SLC35F3: variants seen among roughly 807,000 people sequenced by gnomAD.
SLC35F3 encodes putative thiamine transporter SLC35F3.
Under a neutral mutation model 49.9 loss-of-function variants are expected in SLC35F3, and 25 were observed. The observed-to-expected ratio is 0.50, with a 90% CI of 0.37 to 0.70. The LOEUF (loss-of-function observed/expected upper bound fraction) is 0.70. SLC35F3 is among the 30% of genes least tolerant of loss of function. The pLI is 0.00. For synonymous variants in SLC35F3, 275 were observed against 265.4 expected, an observed-to-expected ratio of 1.04 and a Z score of -0.35; for missense variants, 525 against 639.8, an observed-to-expected ratio of 0.82 and a Z score of 1.94.
At chr1:234,123,835 C>T (rs183824511) in intron 2 of SLC35F3, among the ~76,000 whole-genome samples, 1 of 152,334 alleles carries the variant, frequency 6.6e-6, no homozygotes, top group East Asian at 1.9e-4. Context: ...TTCAGGCCTG[C>T]AGCTCTGGGG....
intron 2 of SLC35F3, among the ~76,000 whole-genome samples, chr1:234,063,695 A>G (rs1045210158): frequency 1.3e-5 from 2 of 152,324 alleles, no homozygotes; most frequent in South Asian, 2.1e-4. Flanking sequence ...GCCTTGGTAT[A>G]AGGGCACTGG....
chr1:233,986,510 G>A (rs1225467399), intron 2 of SLC35F3, among the ~76,000 whole-genome samples: 1 of 152,098 alleles, frequency 6.6e-6, no homozygotes, highest in Non-Finnish European at 1.5e-5. Context: ...ATATGTATAT[G>A]TATGTATTAT....
chr1:234,023,426 TAAAG>T (rs1663929767), intron 2 of SLC35F3, among the ~76,000 whole-genome samples: 1 of 152,186 alleles, frequency 6.6e-6, no homozygotes, highest in East Asian at 1.9e-4. Context: ...AACAACAAAA[TAAAG>T]AGAGTAGTAT....
chr1:234,294,678 A>G (rs1668564600), intron 3 of SLC35F3, among the ~76,000 whole-genome samples: 1 of 152,234 alleles, frequency 6.6e-6, no homozygotes, highest in Non-Finnish European at 1.5e-5. Context: ...TCAAGCGCTG[A>G]GTTCCGCTCA....
intron 2 of SLC35F3, among the ~76,000 whole-genome samples, chr1:233,950,239 A>G (rs1662580582): frequency 6.6e-6 from 1 of 151,732 alleles, no homozygotes; most frequent in African/African-American, 2.4e-5. Context: ...ACAAAAAATT[A>G]GCCTGGCGTG....
rs555687775 is a variant in SLC35F3 at position 234,319,518 on chromosome 1, CATG to C, written c.1148-575_1148-573del. 2.6e-5 allele frequency among the ~76,000 whole-genome samples: 4 copies of C among 152,130 alleles called. No homozygotes were observed. In the South Asian group the frequency reaches 8.3e-4, roughly 32 times the overall value. On this transcript the variant is annotated intron_variant, in intron 6 of 7. Coordinates refer to ENST00000366618, the MANE Select transcript of SLC35F3 (RefSeq NM_173508.4). ...AGGAGTTCGAGACCAGCCTGGGAAA[CATG>C]ATGAGACCTCATCTCCATAAACATT...
chr1:234,289,516 G>C (rs1193161325), intron 3 of SLC35F3, among the ~76,000 whole-genome samples: 1 of 152,150 alleles, frequency 6.6e-6, no homozygotes, highest in Non-Finnish European at 1.5e-5. Context: ...AAGGAGACTG[G>C]AGTAACTCTG....
chr1:234,276,700 A>G (rs1558095285), intron 3 of SLC35F3, among the ~76,000 whole-genome samples: 3 of 152,246 alleles, frequency 2.0e-5, no homozygotes, highest in Non-Finnish European at 2.9e-5. Context: ...TCATTCAAGC[A>G]GACTTATTCT....
chr1:234,239,474 AT>A (rs1282202423), intron 3 of SLC35F3, among the ~76,000 whole-genome samples: 1 of 152,210 alleles, frequency 6.6e-6, no homozygotes, highest in Non-Finnish European at 1.5e-5. Flanking sequence ...ATCTCACCAC[AT>A]TTAGCAAAGG....
intron 2 of SLC35F3, among the ~76,000 whole-genome samples, chr1:233,975,748 C>T (rs1056950161): frequency 6.6e-6 from 1 of 152,188 alleles, no homozygotes; most frequent in African/African-American, 2.4e-5. Flanking sequence ...AGAGTGGCCA[C>T]GGGAGGCTCA....
At chr1:234,064,980 T>C (rs971855804) in intron 2 of SLC35F3, among the ~76,000 whole-genome samples, 3 of 152,176 alleles carry the variant, frequency 2.0e-5, no homozygotes, top group African/African-American at 7.2e-5. Flanking sequence ...CGAAAAATAG[T>C]GCCAGTTGCC....
In SLC35F3 at chr1:233,906,730, GCGT is replaced by G. The variant is rs1661783993; in HGVS notation, c.283+973_283+975del. ...TTATTGGTCTTTAAGGGGAAAACGGGCGTTTGTAATTTAATCATATTCATCACT... is the reference window on the plus strand; with the variant it reads ...TTATTGGTCTTTAAGGGGAAAACGGGTTGTAATTTAATCATATTCATCACT... On this transcript the variant is annotated intron_variant, in intron 2 of 7. Coordinates refer to ENST00000366618, the MANE Select transcript of SLC35F3 (RefSeq NM_173508.4). Among the ~76,000 whole-genome samples, 5 of 152,120 alleles carry G rather than the reference GCGT, an allele frequency of 3.3e-5. No individual in the cohort carries two copies. In the South Asian group the frequency reaches 1.0e-3, roughly 32 times the overall value.
At chr1:234,244,601 G>A (rs1437223828) in intron 3 of SLC35F3, among the ~76,000 whole-genome samples, 1 of 151,492 alleles carries the variant, frequency 6.6e-6, no homozygotes, top group African/African-American at 2.4e-5. Context: ...TTTAGAAAAA[G>A]AAGTGCTTGA....
chr1:234,001,637 T>A (rs983638499), intron 2 of SLC35F3, among the ~76,000 whole-genome samples: 1 of 152,218 alleles, frequency 6.6e-6, no homozygotes, highest in Non-Finnish European at 1.5e-5. Flanking sequence ...GGGGTATTAC[T>A]GATGCAGTAG....
chr1:234,123,236 T>C (rs1044512817), intron 2 of SLC35F3, among the ~76,000 whole-genome samples: 1 of 152,224 alleles, frequency 6.6e-6, no homozygotes, highest in Non-Finnish European at 1.5e-5. Flanking sequence ...TGAGCTTTTT[T>C]TCATGTTTGT....
chr1:233,989,862 T>C (rs546182940), intron 2 of SLC35F3, among the ~76,000 whole-genome samples: 18 of 152,280 alleles, frequency 1.2e-4, no homozygotes, highest in African/African-American at 3.1e-4. Context: ...ATCACAAAAA[T>C]CTTTGACTAA....
chr1:234,123,927 G>A (rs188940614), intron 2 of SLC35F3, among the ~76,000 whole-genome samples: 9 of 152,220 alleles, frequency 5.9e-5, no homozygotes, highest in Admixed American at 2.0e-4. Context: ...TCATTTACTC[G>A]CCTTGGTGAT....
intron 2 of SLC35F3, among the ~76,000 whole-genome samples, chr1:234,222,558 A>G (rs1667223655): frequency 6.6e-6 from 1 of 152,094 alleles, no homozygotes; most frequent in Non-Finnish European, 1.5e-5. Context: ...CCATCCCCCC[A>G]TAGCTGCCCA....
At chr1:233,956,322 T>TAC (rs146468002) in intron 2 of SLC35F3, among the ~76,000 whole-genome samples, 7,570 of 151,776 alleles carry the variant, frequency 0.05, 282 homozygotes, top group East Asian at 0.18. Context: ...ACCCTCTTCA[T>TAC]ACACACACAC....
Sources: allele counts gnomAD v4.1 joint callset (sites outside exome capture counted in the v4.1 genomes callset), GRCh38; gene constraint gnomAD v4.1.1; transcripts MANE v1.5; gene names NCBI Gene and HGNC (gene_info 2026-07-23, HGNC 2026-07-21).